LOC128125817: variants seen among roughly 807,000 people sequenced by gnomAD.
At chr1:41,601,294 A>G in the LOC128125817 span, among the ~76,000 whole-genome samples, 1 of 152,092 alleles carries the variant, frequency 6.6e-6, no homozygotes, top group African/African-American at 2.4e-5. Flanking sequence ...AAGTAATGTA[A>G]TTGAGATTTT....
the LOC128125817 span, among the ~76,000 whole-genome samples, chr1:41,590,623 T>C: frequency 6.6e-6 from 1 of 152,228 alleles, no homozygotes; most frequent in African/African-American, 2.4e-5. Flanking sequence ...AGCTTGTTAC[T>C]TGGTCCCTTT....
chr1:41,616,760 GT>G, the LOC128125817 span, among the ~76,000 whole-genome samples: 45 of 151,198 alleles, frequency 3.0e-4, no homozygotes, highest in South Asian at 3.8e-3. Context: ...CTCAATTTTT[GT>G]TTTTCTAAAA....
the LOC128125817 span, among the ~76,000 whole-genome samples, chr1:41,598,249 T>A: frequency 6.6e-6 from 1 of 152,194 alleles, no homozygotes; most frequent in Non-Finnish European, 1.5e-5. Context: ...AGTGGCCTGA[T>A]CTCTTGTCAG....
At chr1:41,595,217 C>T in the LOC128125817 span, among the ~76,000 whole-genome samples, 1 of 152,316 alleles carries the variant, frequency 6.6e-6, no homozygotes, top group African/African-American at 2.4e-5. Flanking sequence ...GGTTTCTAGC[C>T]TTCTCCCAGT....
chr1:41,626,087 C>G, the LOC128125817 span, among the ~76,000 whole-genome samples: 1 of 152,246 alleles, frequency 6.6e-6, no homozygotes, highest in Non-Finnish European at 1.5e-5. Context: ...ACTTCAGGCC[C>G]CTTCTGAAGA....
chr1:41,592,975 C>T, the LOC128125817 span, among the ~76,000 whole-genome samples: 1 of 152,192 alleles, frequency 6.6e-6, no homozygotes, highest in African/African-American at 2.4e-5. Context: ...GTCACCACCT[C>T]CACCCCTGTC....
the LOC128125817 span, among the ~76,000 whole-genome samples, chr1:41,609,972 C>A: frequency 6.6e-6 from 1 of 152,212 alleles, no homozygotes; most frequent in Non-Finnish European, 1.5e-5. Context: ...TATGAGTGAG[C>A]CTCATCCACT....
chr1:41,625,523 T>G, the LOC128125817 span, among the ~76,000 whole-genome samples: 5 of 152,134 alleles, frequency 3.3e-5, no homozygotes, highest in Non-Finnish European at 5.9e-5. Context: ...AAAACAGAGG[T>G]GTCGCTAATA....
At chr1:41,620,073 G>C in the LOC128125817 span, among the ~76,000 whole-genome samples, 1 of 152,196 alleles carries the variant, frequency 6.6e-6, no homozygotes, top group African/African-American at 2.4e-5. Context: ...TGGAAGGAAA[G>C]GGGGAAAGGT....
chr1:41,591,443 G>A, the LOC128125817 span, among the ~76,000 whole-genome samples: 1 of 152,256 alleles, frequency 6.6e-6, no homozygotes, highest in Middle Eastern at 3.4e-3. Context: ...AACACAGGCA[G>A]GCGATCAGGT....
the LOC128125817 span, among the ~76,000 whole-genome samples, chr1:41,616,851 T>C: frequency 6.6e-6 from 1 of 152,236 alleles, no homozygotes; most frequent in African/African-American, 2.4e-5. Flanking sequence ...CAATAGGTTG[T>C]GAGCAGTTAT....
the LOC128125817 span, among the ~76,000 whole-genome samples, chr1:41,614,002 C>T: frequency 6.6e-6 from 1 of 152,236 alleles, no homozygotes; most frequent in Non-Finnish European, 1.5e-5. Context: ...GTGTTTCTCA[C>T]AGCACCCTGA....
the LOC128125817 span, among the ~76,000 whole-genome samples, chr1:41,612,417 C>A: frequency 4.6e-5 from 7 of 152,224 alleles, no homozygotes; most frequent in Non-Finnish European, 8.8e-5. Flanking sequence ...CCTTGCAGAC[C>A]TCCTGTTCAT....
chr1:41,628,206 C>A, the LOC128125817 span, among the ~76,000 whole-genome samples: 1 of 152,144 alleles, frequency 6.6e-6, no homozygotes, highest in Admixed American at 6.5e-5. Context: ...TTGCCCCAAC[C>A]CTGACATCTT....
At chr1:41,607,741 C>T in the LOC128125817 span, among the ~76,000 whole-genome samples, 1 of 152,166 alleles carries the variant, frequency 6.6e-6, no homozygotes, top group South Asian at 2.1e-4. Flanking sequence ...GGTTCTAGCT[C>T]CTATAACAAG....
chr1:41,587,385 T>C, the LOC128125817 span, among the ~76,000 whole-genome samples: 1 of 152,218 alleles, frequency 6.6e-6, no homozygotes, highest in East Asian at 1.9e-4. Context: ...AAATCTCATT[T>C]CATTAGATTA....
chr1:41,624,037 A>G, the LOC128125817 span, among the ~76,000 whole-genome samples: 2 of 152,194 alleles, frequency 1.3e-5, no homozygotes, highest in African/African-American at 4.8e-5. Flanking sequence ...TTTGCTCATC[A>G]ACAACTGCTA....
At chr1:41,608,117 CA>C in the LOC128125817 span, among the ~76,000 whole-genome samples, 1 of 152,216 alleles carries the variant, frequency 6.6e-6, no homozygotes, top group African/African-American at 2.4e-5. Context: ...ATACTAACTA[CA>C]TAGGGCTTCC....
At chr1:41,588,637 A>T in the LOC128125817 span, among the ~76,000 whole-genome samples, 1 of 152,050 alleles carries the variant, frequency 6.6e-6, no homozygotes, top group African/African-American at 2.4e-5. Flanking sequence ...TGTGGGCTGG[A>T]CATGGTGTTT....
Sources: gnomAD v4.1 joint callset for allele counts (sites outside exome capture counted in the v4.1 genomes callset) on GRCh38, gnomAD v4.1.1 for gene constraint, MANE v1.5 for transcripts.